The following DCLK2 variants were observed in gnomAD, a reference collection of about 807,000 sequenced individuals.
DCLK2 encodes serine/threonine-protein kinase DCLK2.
DCLK2 carries 31 observed loss-of-function variants against 78.4 expected under a neutral mutation model. The observed-to-expected ratio is 0.40, with a 90% CI of 0.30 to 0.53. DCLK2 has a LOEUF of 0.53. Among genes scored for constraint, DCLK2 ranks in the 20% least tolerant of loss-of-function variants. DCLK2 has a pLI of 0.61. For synonymous variants in DCLK2, 407 were observed against 374.9 expected, an observed-to-expected ratio of 1.09 and a Z score of -0.99; for missense variants, 872 against 973.7, an observed-to-expected ratio of 0.90 and a Z score of 1.39.
At chr4:150,221,202 C>T (rs1478417781) in intron 6 of DCLK2, among the ~76,000 whole-genome samples, 2 of 152,158 alleles carry the variant, frequency 1.3e-5, no homozygotes, top group African/African-American at 4.8e-5. Flanking sequence ...AGGAATTAGC[C>T]TTAACAAGGC....
At chr4:150,220,902 C>A in intron 6 of DCLK2, 124 bp downstream of exon 6, 1 of 742,140 alleles carries the variant, frequency 1.3e-6, no homozygotes, top group Non-Finnish European at 2.2e-6. Flanking sequence ...CATCACCTGT[C>A]AGCCCCTTTG....
chr4:150,175,121 T>A (rs6835493), intron 2 of DCLK2, among the ~76,000 whole-genome samples: 2,582 of 80,910 alleles, frequency 0.032, 413 homozygotes, highest in African/African-American at 0.1. Context: ...TTTATATTTT[T>A]TATATATATA....
At chr4:150,199,723 A>G (rs1190497385) in intron 4 of DCLK2, among the ~76,000 whole-genome samples, 1 of 152,244 alleles carries the variant, frequency 6.6e-6, no homozygotes, top group East Asian at 1.9e-4. Flanking sequence ...TGCTTTCTGT[A>G]AAGTATCTTA....
At chr4:150,158,390 A>T (rs902439333) in intron 2 of DCLK2, among the ~76,000 whole-genome samples, 1 of 152,190 alleles carries the variant, frequency 6.6e-6, no homozygotes, top group Non-Finnish European at 1.5e-5. Context: ...TATGAATTTT[A>T]GGGGGATATA....
At chr4:150,240,338 T>C (rs6838238) in intron 11 of DCLK2, 61 bp from the exon 12 acceptor site, 1,385,421 of 1,411,898 alleles carry the variant, frequency 0.98, 680,307 homozygotes, top group Non-Finnish European at 0.99. Context: ...AATACTCCAG[T>C]ACCATGGAAG....
intron 2 of DCLK2, among the ~76,000 whole-genome samples, chr4:150,158,518 T>C (rs967084987): frequency 1.4e-4 from 22 of 152,332 alleles, no homozygotes; most frequent in Admixed American, 1.4e-3. Context: ...TTTTGCTTAC[T>C]GGATAGAGTA....
chr4:150,148,116 C>T (rs59085186), intron 2 of DCLK2, among the ~76,000 whole-genome samples: 24,237 of 152,058 alleles, frequency 0.16, 2,388 homozygotes, highest in Non-Finnish European at 0.23. Context: ...GCCTGTAATC[C>T]TAGGACTTTG....
chr4:150,255,975 A>G (rs1200091377), intron 15 of DCLK2, 45 bp from the exon 16 acceptor site: 1 of 1,595,148 alleles, frequency 6.3e-7, no homozygotes, highest in South Asian at 1.1e-5. Context: ...CTGGGACCCG[A>G]GCCTGGGCCC....
chr4:150,221,976 G>GTTTA (rs1301938606), intron 7 of DCLK2, among the ~76,000 whole-genome samples, 191 bp downstream of exon 7: 2,956 of 141,936 alleles, frequency 0.021, 97 homozygotes, highest in African/African-American at 0.066. Flanking sequence ...TTGTTTGTTT[G>GTTTA]TTTATTTATT....
chr4:150,218,301 G>C (rs1740901321), intron 5 of DCLK2, among the ~76,000 whole-genome samples: 1 of 152,168 alleles, frequency 6.6e-6, no homozygotes, highest in African/African-American at 2.4e-5. Context: ...TGGGAGTGAA[G>C]GTTTAATCAA....
intron 13 of DCLK2, among the ~76,000 whole-genome samples, chr4:150,248,103 T>C (rs1051032652): frequency 2.0e-5 from 3 of 152,236 alleles, no homozygotes; most frequent in Admixed American, 6.5e-5. Flanking sequence ...TAGTTTCACA[T>C]GGACTCAGGA....
chr4:150,211,481 G>A (rs901824023), intron 5 of DCLK2, among the ~76,000 whole-genome samples: 2 of 152,168 alleles, frequency 1.3e-5, no homozygotes, highest in Non-Finnish European at 2.9e-5. Context: ...TGGGGCTCAT[G>A]AGGGCTATTG....
intron 5 of DCLK2, among the ~76,000 whole-genome samples, chr4:150,212,750 G>A (rs964542139): frequency 1.3e-5 from 2 of 152,310 alleles, no homozygotes; most frequent in East Asian, 3.9e-4. Flanking sequence ...GGTTTACCAA[G>A]TAAATCAGTG....
intron 15 of DCLK2, chr4:150,253,133 ACG>A: frequency 6.6e-6 from 3 of 456,292 alleles, no homozygotes; most frequent in Non-Finnish European, 1.4e-5. Flanking sequence ...CATCCTCCTC[ACG>A]TCACTGTGTG....
chr4:150,237,818 GC>G (rs1370397538), intron 10 of DCLK2, among the ~76,000 whole-genome samples: 1 of 152,174 alleles, frequency 6.6e-6, no homozygotes, highest in Non-Finnish European at 1.5e-5. Context: ...ATGAGACAAA[GC>G]AAACTATGCT....
intron 1 of DCLK2, among the ~76,000 whole-genome samples, chr4:150,091,016 A>G (rs900354659): frequency 2.6e-5 from 4 of 152,214 alleles, no homozygotes; most frequent in Non-Finnish European, 5.9e-5. Flanking sequence ...ACTTTGTGTT[A>G]GTCTGCCAAT....
In DCLK2 at chr4:150,131,625, G is replaced by T. The variant is rs980671982; in HGVS notation, c.756+28813G>T. Among the ~76,000 whole-genome samples the T allele has an allele frequency of 2.6e-5, 4 of 152,076 alleles. No individual in the cohort carries two copies. The East Asian group carries it at 7.7e-4, about 29-fold the overall frequency. ...AATTGGCTGTCTTATTTGAGCCTGG[G>T]ACAATCCTGGGTGTTACTGGAGAGA... On this transcript the variant is annotated intron_variant, in intron 2 of 15. Transcript: ENST00000296550.
At chr4:150,136,681 T>C (rs1324957938) in intron 2 of DCLK2, among the ~76,000 whole-genome samples, 1 of 152,164 alleles carries the variant, frequency 6.6e-6, no homozygotes, top group Non-Finnish European at 1.5e-5. Flanking sequence ...CATTCTGTGG[T>C]CTGAAGAGGC....
rs572592467 is a variant in DCLK2 at position 150,247,797 on chromosome 4, C to T, written c.1875+98C>T. Reference sequence around the variant, plus strand: ...GCGCTAGGTATTGCATTCCAGAAAGCTCCTTGGCTTTTAATGTGTGGTTCT... The same window carrying T: ...GCGCTAGGTATTGCATTCCAGAAAGTTCCTTGGCTTTTAATGTGTGGTTCT... On this transcript the variant is annotated intron_variant, in intron 13 of 15. Transcript: ENST00000296550. The T allele has an allele frequency of 5.4e-6, 5 of 933,570 alleles. No homozygotes were observed. The African/African-American group carries it at 6.6e-5, about 12-fold the overall frequency. The allele number at this position is 933,570 out of a possible 1,614,324, so 57.8% of individuals were successfully genotyped here.
Sources: allele counts gnomAD v4.1 joint callset (sites outside exome capture counted in the v4.1 genomes callset), GRCh38; gene constraint gnomAD v4.1.1; transcripts MANE v1.5; gene names NCBI Gene and HGNC (gene_info 2026-07-23, HGNC 2026-07-21).